SEMA3A: variants seen among roughly 807,000 people sequenced by gnomAD.
The protein encoded by SEMA3A is semaphorin 3A, also known as semaphorin-3A.
In SEMA3A, 29 loss-of-function variants were observed where a neutral mutation model predicts 97.9. The ratio of observed to expected loss-of-function variants is 0.30; its 90% CI spans 0.22 to 0.40. The LOEUF (loss-of-function observed/expected upper bound fraction) is 0.40, where lower values mean the gene tolerates loss of function less well. Ranked by LOEUF, SEMA3A falls within the 10% of genes least tolerant of loss-of-function variation. The pLI, the probability that SEMA3A is intolerant of heterozygous loss-of-function variation, is 1.00. For missense variants in SEMA3A, 763 were observed against 951.3 expected (o/e 0.80, Z 2.60); for synonymous variants, 321 against 323.7 (o/e 0.99, Z 0.09).
chr7:84,226,390 C>G (rs1798990866), intron 3 of SEMA3A, among the ~76,000 whole-genome samples: 1 of 152,020 alleles, frequency 6.6e-6, no homozygotes, highest in Non-Finnish European at 1.5e-5. Context: ...TTAGAGAACC[C>G]AGACTTTCAA....
intron 4 of SEMA3A, among the ~76,000 whole-genome samples, chr7:84,106,309 A>C (rs535113601): frequency 6.6e-6 from 1 of 152,290 alleles, no homozygotes; most frequent in East Asian, 1.9e-4. Flanking sequence ...TAGATGAACA[A>C]ATACTTATTA....
At chr7:84,483,064 G>C (rs533533499) in intron 1 of SEMA3A, among the ~76,000 whole-genome samples, 1 of 152,164 alleles carries the variant, frequency 6.6e-6, no homozygotes, top group Admixed American at 6.6e-5. Flanking sequence ...TAAATAATGA[G>C]AGCTCTATGT....
intron 13 of SEMA3A, among the ~76,000 whole-genome samples, chr7:83,984,829 A>G (rs1789564322): frequency 6.6e-6 from 1 of 151,946 alleles, no homozygotes; most frequent in Non-Finnish European, 1.5e-5. Flanking sequence ...CTTTGAATTC[A>G]TGAAGTTTTA....
intron 3 of SEMA3A, among the ~76,000 whole-genome samples, chr7:84,306,859 T>C (rs1217089885): frequency 6.6e-6 from 1 of 152,090 alleles, no homozygotes; most frequent in African/African-American, 2.4e-5. Context: ...TTTTTGTGGA[T>C]AGCAATATGC....
intron 1 of SEMA3A, among the ~76,000 whole-genome samples, chr7:84,175,243 G>T (rs1273625312): frequency 3.3e-5 from 5 of 152,050 alleles, no homozygotes; most frequent in Admixed American, 2.0e-4. Context: ...GATTACATGG[G>T]ATAGTTTACA....
chr7:84,231,007 G>A, intron 3 of SEMA3A, among the ~76,000 whole-genome samples: 1 of 151,770 alleles, frequency 6.6e-6, no homozygotes, highest in South Asian at 2.1e-4. Context: ...AATCATTTGG[G>A]CTGTAACGCT....
chr7:84,400,888 T>A (rs1395332924), intron 1 of SEMA3A, among the ~76,000 whole-genome samples: 1 of 152,160 alleles, frequency 6.6e-6, no homozygotes, highest in South Asian at 2.1e-4. Flanking sequence ...ATATAGGTCA[T>A]ATGTGAAAAA....
At chr7:84,354,119 C>T (rs895607446) in intron 2 of SEMA3A, among the ~76,000 whole-genome samples, 3 of 151,288 alleles carry the variant, frequency 2.0e-5, no homozygotes, top group Non-Finnish European at 3.0e-5. Flanking sequence ...AAAATTAAAG[C>T]AAAAAATATA....
intron 12 of SEMA3A, among the ~76,000 whole-genome samples, chr7:83,987,978 A>G (rs10272716): frequency 0.017 from 2,632 of 152,310 alleles, 70 homozygotes; most frequent in African/African-American, 0.06. Flanking sequence ...TGTATTGCTG[A>G]TAGGACACTT....
chr7:84,262,318 G>C (rs149904094), intron 3 of SEMA3A, among the ~76,000 whole-genome samples: 3,793 of 152,190 alleles, frequency 0.025, 68 homozygotes, highest in South Asian at 0.037. Context: ...AGGTTCAAGC[G>C]ATTCTCCTGC....
intron 1 of SEMA3A, among the ~76,000 whole-genome samples, chr7:84,378,784 T>C (rs1803175113): frequency 6.6e-6 from 1 of 152,120 alleles, no homozygotes; most frequent in South Asian, 2.1e-4. Context: ...CTATACTCAT[T>C]TAAAAACTCA....
upstream of SEMA3A, among the ~76,000 whole-genome samples, chr7:84,196,719 T>C (rs572840144): frequency 6.6e-6 from 1 of 152,312 alleles, no homozygotes; most frequent in East Asian, 1.9e-4. Flanking sequence ...TCTATAGACA[T>C]TCATTCTGCA....
At chr7:84,097,552 G>A (rs1296802264) in intron 4 of SEMA3A, among the ~76,000 whole-genome samples, 1 of 152,098 alleles carries the variant, frequency 6.6e-6, no homozygotes, top group Non-Finnish European at 1.5e-5. Context: ...TAACTGCTCA[G>A]CAGTTCCTGG....
At chr7:84,357,294 A>G (rs1427760477) in intron 2 of SEMA3A, among the ~76,000 whole-genome samples, 1 of 59,770 alleles carries the variant, frequency 1.7e-5, no homozygotes, top group Non-Finnish European at 3.6e-5. Flanking sequence ...CCCCCCCTCC[A>G]CCCACAACAG....
At chr7:84,174,654 C>T (rs1046705761) in intron 1 of SEMA3A, among the ~76,000 whole-genome samples, 1 of 152,150 alleles carries the variant, frequency 6.6e-6, no homozygotes, top group African/African-American at 2.4e-5. Context: ...GAGAGCTATA[C>T]ATTATCATTC....
chr7:84,427,058 T>C (rs1804845715), intron 1 of SEMA3A, among the ~76,000 whole-genome samples: 3 of 152,018 alleles, frequency 2.0e-5, no homozygotes, highest in Non-Finnish European at 4.4e-5. Context: ...AACTATTGAG[T>C]AAAGAAGAAA....
chr7:83,980,735 G>A (rs1426516942), intron 14 of SEMA3A, among the ~76,000 whole-genome samples: 1 of 149,218 alleles, frequency 6.7e-6, no homozygotes, highest in Non-Finnish European at 1.5e-5. Flanking sequence ...TTTACTACAT[G>A]GTTTTATGTT....
intron 3 of SEMA3A, among the ~76,000 whole-genome samples, chr7:84,275,131 T>G (rs1318177331): frequency 5.9e-5 from 9 of 152,122 alleles, no homozygotes; most frequent in Admixed American, 2.6e-4. Flanking sequence ...TGCATTTGTT[T>G]TCTTACATAT....
In SEMA3A at chr7:84,261,885, G is replaced by C. The variant is rs115576727; in HGVS notation, c.-83+45322C>G. Among the ~76,000 whole-genome samples, 1,313 of 152,296 alleles carry C rather than the reference G, an allele frequency of 8.6e-3. 16 individuals are homozygous for C. Among genetic ancestry groups the C allele is most frequent in the African/African-American group, 0.03 (1,255 of 41,558 alleles). The stretch of plus-strand genomic sequence containing the variant: ...TTCAACTGGAAAAGTGACACCATAA[G>C]GATCTTGTGACACTACTAATATTTA... On this transcript the variant is annotated intron_variant, in intron 3 of 3. Coordinates refer to the SEMA3A transcript ENST00000424555.
Sources: gnomAD v4.1 joint callset for allele counts (sites outside exome capture counted in the v4.1 genomes callset) on GRCh38, gnomAD v4.1.1 for gene constraint, MANE v1.5 for transcripts, NCBI Gene and HGNC (gene_info 2026-07-23, HGNC 2026-07-21) for gene names.